The following PAFAH1B1 variants were observed in gnomAD, a reference collection of about 807,000 sequenced individuals.
PAFAH1B1 encodes platelet activating factor acetylhydrolase 1b regulatory subunit 1, also known as platelet-activating factor acetylhydrolase IB subunit beta.
In PAFAH1B1, 2 loss-of-function variants were observed where a neutral mutation model predicts 57.5. The observed-to-expected ratio is 0.03, with a 90% CI of 0.01 to 0.11. PAFAH1B1 has a LOEUF of 0.11. Among genes scored for constraint, PAFAH1B1 ranks in the 10% least tolerant of loss-of-function variants. The pLI, the probability that PAFAH1B1 is intolerant of heterozygous loss-of-function variation, is 1.00. For missense variants in PAFAH1B1, 257 were observed against 512.0 expected, an observed-to-expected ratio of 0.50 and a Z score of 4.81; for synonymous variants, 152 against 169.6, an observed-to-expected ratio of 0.90 and a Z score of 0.81.
intron 1 of PAFAH1B1, among the ~76,000 whole-genome samples, chr17:2,601,691 C>G (rs2068146066): frequency 6.6e-6 from 1 of 152,194 alleles, no homozygotes; most frequent in Non-Finnish European, 1.5e-5. Context: ...ATCCTCCTGC[C>G]TCGGCCCCGC....
At chr17:2,670,480 A>G in intron 6 of PAFAH1B1, 149 bp downstream of exon 6, 2 of 766,778 alleles carry the variant, frequency 2.6e-6, no homozygotes, top group African/African-American at 1.7e-5. Context: ...GTCCAGGGAT[A>G]AGCCACAGTA....
intron 2 of PAFAH1B1, among the ~76,000 whole-genome samples, chr17:2,650,283 G>T (rs572229585): frequency 6.0e-5 from 9 of 148,894 alleles, no homozygotes; most frequent in African/African-American, 2.3e-4. Context: ...AGGCCGAGGC[G>T]GGTGGATCAC....
chr17:2,635,671 A>G (rs530459591), intron 1 of PAFAH1B1, among the ~76,000 whole-genome samples: 5 of 152,246 alleles, frequency 3.3e-5, no homozygotes, highest in African/African-American at 1.2e-4. Flanking sequence ...CTACACTGTC[A>G]TTATTCTTGT....
intron 1 of PAFAH1B1, among the ~76,000 whole-genome samples, chr17:2,595,803 T>C (rs1486070062): frequency 6.6e-6 from 1 of 152,172 alleles, no homozygotes; most frequent in Non-Finnish European, 1.5e-5. Flanking sequence ...ATTTTTCACT[T>C]GAAGTATTTC....
At chr17:2,649,837 T>C (rs2068824672) in intron 2 of PAFAH1B1, among the ~76,000 whole-genome samples, 1 of 152,164 alleles carries the variant, frequency 6.6e-6, no homozygotes, top group Non-Finnish European at 1.5e-5. Flanking sequence ...TATACAAATA[T>C]TATTGTAAAA....
At chr17:2,631,317 G>A (rs957727457) in intron 1 of PAFAH1B1, among the ~76,000 whole-genome samples, 28 of 152,122 alleles carry the variant, frequency 1.8e-4, no homozygotes, top group Admixed American at 1.8e-3. Flanking sequence ...GAAAGAAAAG[G>A]GCTTTAGTTC....
intron 2 of PAFAH1B1, chr17:2,641,036 A>C (rs2068688625): frequency 6.6e-6 from 1 of 152,226 alleles, no homozygotes; most frequent in Non-Finnish European, 1.5e-5. Flanking sequence ...GTGGTTATAG[A>C]GTGATGGTTT....
At chr17:2,605,203 T>C (rs1160958897) in intron 1 of PAFAH1B1, among the ~76,000 whole-genome samples, 1 of 152,118 alleles carries the variant, frequency 6.6e-6, no homozygotes, top group African/African-American at 2.4e-5. Flanking sequence ...GGAGGTCCGG[T>C]TGTGAATGAG....
At chr17:2,597,108 AT>A (rs1382321488) in intron 1 of PAFAH1B1, among the ~76,000 whole-genome samples, 1 of 152,110 alleles carries the variant, frequency 6.6e-6, no homozygotes, top group East Asian at 1.9e-4. Flanking sequence ...TTTTCAGTAG[AT>A]TGTTGTTAAT....
chr17:2,613,940 AG>A, intron 1 of PAFAH1B1: 2 of 177,150 alleles, frequency 1.1e-5, no homozygotes, highest in Non-Finnish European at 2.3e-5. Context: ...CGACAGCAAG[AG>A]GGGGCGGCTG....
chr17:2,654,785 G>A (rs35722835), intron 2 of PAFAH1B1, among the ~76,000 whole-genome samples: 27,349 of 151,834 alleles, frequency 0.18, 3,101 homozygotes, highest in Non-Finnish European at 0.25. Flanking sequence ...GGGACTACAG[G>A]TGTGTGCCAC....
rs1023647948 is a variant in PAFAH1B1, at chr17:2,684,984, T to C, written c.*3182T>C. 1 of 152,128 alleles carries C rather than the reference T, an allele frequency of 6.6e-6. No homozygotes were observed. Among genetic ancestry groups the C allele is most frequent in the Admixed American group, 6.5e-5 (1 of 15,280 alleles). 9.4% of individuals were successfully genotyped at this position (152,128 alleles called of 1,614,324 possible). A position where few individuals can be genotyped will look rare whatever the true frequency, so the allele number is the denominator to read the frequency against. On this transcript the variant is annotated 3_prime_UTR_variant, in exon 11 of 11. Coordinates refer to ENST00000397195, the MANE Select transcript of PAFAH1B1 (RefSeq NM_000430.4). ...GTAAAGGATATTTTGTTGACATCGG[T>C]GGCTCGATCATCCTTAAGCAACTGA...
At chr17:2,635,455 C>G (rs1464883641) in intron 1 of PAFAH1B1, 1 of 152,150 alleles carries the variant, frequency 6.6e-6, no homozygotes, top group Non-Finnish European at 1.5e-5. Flanking sequence ...CCTTGACCTC[C>G]TGGGCTCAAG....
Position 2,668,278 on chromosome 17 carries a change from C to T in PAFAH1B1, c.399+1080C>T, listed in dbSNP as rs141046439. Among the ~76,000 whole-genome samples the T allele has an allele frequency of 1.1e-4, 17 of 149,568 alleles. No homozygotes were observed. The East Asian group carries it at 3.1e-3, about 27-fold the overall frequency. ...GAGACAGGTTGCAGTTAGCCAAGAT[C>T]GCTCCACTGCACTCCAGCCTGGGCG... is the stretch of plus-strand genomic sequence containing the variant. On this transcript the variant is annotated intron_variant, in intron 5 of 10. Transcript: ENST00000397195.
rs191808345 is a variant in PAFAH1B1 at position 2,642,832 on chromosome 17, T to G, written c.32+4512T>G. On this transcript the variant is annotated intron_variant, in intron 2 of 10. Coordinates refer to ENST00000397195, the MANE Select transcript of PAFAH1B1 (RefSeq NM_000430.4). ...CTCATTTGAAATATAGTTGGGTTCA[T>G]CTTGCTTGTTTTCATCCTCCCCCTC... Among the ~76,000 whole-genome samples the G allele has an allele frequency of 2.1e-4, 32 of 152,252 alleles. No homozygotes were observed. In the East Asian group the frequency reaches 4.5e-3, roughly 21 times the overall value.
chr17:2,676,657 T>C, intron 9 of PAFAH1B1, 51 bp downstream of exon 9: 1 of 1,028,166 alleles, frequency 9.7e-7, no homozygotes, highest in Non-Finnish European at 1.6e-6. Flanking sequence ...TGTTTATACC[T>C]TTTTGGATTA....
intron 1 of PAFAH1B1, among the ~76,000 whole-genome samples, chr17:2,616,930 G>A (rs1305919976): frequency 1.3e-5 from 2 of 151,808 alleles, no homozygotes; most frequent in Admixed American, 6.6e-5. Context: ...AAAATTAGCC[G>A]GACCTGGTGG....
chr17:2,681,750 A>G lies in PAFAH1B1; in HGVS notation c.1181A>G (p.Tyr394Cys), dbSNP rs754775447. The change falls in exon 11 of 11, where the codon TAT becomes TGT. Residue 394 changes from tyrosine to cysteine, a missense_variant. Coordinates refer to ENST00000397195, the MANE Select transcript of PAFAH1B1 (RefSeq NM_000430.4). ...TCAGATTTCCACAAGACGGCACCCT[A>G]TGTCGTCACTGGCAGCGTAGATCAA... ...TSLDFHKTAP[Y>C]VVTGSVDQTV... 2.4e-5 allele frequency: 38 copies of G among 1,612,866 alleles called. No homozygotes were observed. The highest frequency in any genetic ancestry group is 4.0e-5 in the African/African-American group (3 of 74,842).
chr17:2,632,871 A>G (rs1183892750), intron 1 of PAFAH1B1, among the ~76,000 whole-genome samples: 4 of 152,158 alleles, frequency 2.6e-5, no homozygotes, highest in African/African-American at 9.7e-5. Context: ...CCATTGCCCC[A>G]TGGATACTGA....
Sources: gnomAD v4.1 joint callset for allele counts (sites outside exome capture counted in the v4.1 genomes callset) on GRCh38, gnomAD v4.1.1 for gene constraint, MANE v1.5 for transcripts, NCBI Gene and HGNC (gene_info 2026-07-23, HGNC 2026-07-21) for gene names.